ATP2C2: variants seen among roughly 807,000 people sequenced by gnomAD.
The protein encoded by ATP2C2 is ATPase secretory pathway Ca2+ transporting 2.
A neutral mutation model predicts 110.8 loss-of-function variants in ATP2C2; 171 were observed. The ratio of observed to expected loss-of-function variants is 1.54; its 90% confidence interval spans 1.36 to 1.75. ATP2C2 has a LOEUF of 1.75. Among genes scored for constraint, ATP2C2 ranks in the 40% most tolerant of loss-of-function variants. The pLI, the probability that ATP2C2 is intolerant of heterozygous loss-of-function variation, is 0.00. For missense variants in ATP2C2, 1,963 were observed against 1,235.0 expected (o/e 1.59, Z -8.84); for synonymous variants, 804 against 508.4 (o/e 1.58, Z -7.82).
chr16:84,377,927 A>C (rs1910343276), intron 1 of ATP2C2, among the ~76,000 whole-genome samples: 1 of 152,146 alleles, frequency 6.6e-6, no homozygotes, highest in African/African-American at 2.4e-5. Context: ...ATGGTGCCCC[A>C]CTAGCTGGGC....
In ATP2C2 at chr16:84,453,129, C is replaced by A. The variant is rs1237048223; in HGVS notation, c.1832-9C>A. On this transcript the variant is annotated splice_polypyrimidine_tract_variant and intron_variant, in intron 18 of 26. Coordinates refer to ENST00000262429, the MANE Select transcript of ATP2C2 (RefSeq NM_014861.4). ...TCAGAGCAGGCCCTCAGAACAGGTT[C>A]TTCTGAAGGAAGAAACATCGGCCTG... is the stretch of plus-strand genomic sequence containing the variant. 3 of 1,602,554 alleles carry A rather than the reference C, an allele frequency of 1.9e-6. No homozygotes were observed. Among genetic ancestry groups the A allele is most frequent in the Non-Finnish European group, 2.6e-6 (3 of 1,174,314 alleles).
At chr16:84,373,331 C>G (rs1325242044) in intron 1 of ATP2C2, among the ~76,000 whole-genome samples, 1 of 152,124 alleles carries the variant, frequency 6.6e-6, no homozygotes, top group East Asian at 1.9e-4. Flanking sequence ...AAAACCCCAT[C>G]TCTACTAAAA....
At chr16:84,459,234 G>A in intron 22 of ATP2C2, 36 bp from the exon 23 acceptor site, 3 of 1,614,088 alleles carry the variant, frequency 1.9e-6, no homozygotes, top group Non-Finnish European at 2.5e-6. Context: ...ACCACGCCTG[G>A]CGGGCGGCCG....
intron 1 of ATP2C2, among the ~76,000 whole-genome samples, chr16:84,380,995 G>A (rs985781713): frequency 9.9e-5 from 15 of 152,188 alleles, no homozygotes; most frequent in East Asian, 1.9e-4. Flanking sequence ...CCCGGCCAAC[G>A]TAGTGAATTT....
intron 17 of ATP2C2, 124 bp from the exon 18 acceptor site, chr16:84,451,797 C>G (rs1474307176): frequency 1.0e-6 from 1 of 965,128 alleles, no homozygotes; most frequent in African/African-American, 1.6e-5. Flanking sequence ...AACATTACAC[C>G]ACTGCACTCC....
At chr16:84,411,603 G>A (rs1394141859) in intron 6 of ATP2C2, among the ~76,000 whole-genome samples, 3 of 152,092 alleles carry the variant, frequency 2.0e-5, no homozygotes, top group Non-Finnish European at 4.4e-5. Context: ...CACTACACCT[G>A]GCTAATTTTT....
At chr16:84,424,464 G>C (rs1056060498) in intron 10 of ATP2C2, among the ~76,000 whole-genome samples, 1 of 152,012 alleles carries the variant, frequency 6.6e-6, no homozygotes, top group Non-Finnish European at 1.5e-5. Flanking sequence ...TTTTGGTAGA[G>C]ACAGGGTTTT....
intron 2 of ATP2C2, 24 bp from the exon 3 acceptor site, chr16:84,405,104 C>G (rs1254212328): frequency 5.6e-6 from 9 of 1,600,436 alleles, no homozygotes; most frequent in Non-Finnish European, 7.7e-6. Flanking sequence ...CATGAGTGAG[C>G]TTGTGCCTGA....
chr16:84,444,397 C>A (rs569633073), intron 15 of ATP2C2, among the ~76,000 whole-genome samples: 1 of 151,880 alleles, frequency 6.6e-6, no homozygotes, highest in Non-Finnish European at 1.5e-5. Flanking sequence ...TGCTTGAACC[C>A]AGGAGGCGGA....
chr16:84,372,048 A>G (rs919909836), intron 1 of ATP2C2, among the ~76,000 whole-genome samples: 2 of 152,274 alleles, frequency 1.3e-5, no homozygotes, highest in African/African-American at 4.8e-5. Context: ...AAGGGCAGGG[A>G]TTGACAGCGA....
In ATP2C2 at chr16:84,454,880, C is replaced by T. The variant is rs374595905; in HGVS notation, c.2043C>T (p.Ala681=). 149 of 1,613,838 alleles carry T rather than the reference C, an allele frequency of 9.2e-5. 1 individual carries two copies. In the African/African-American group the frequency reaches 1.4e-3, roughly 15 times the overall value. ...MTGDGVNDAV[A]LKSADIGIAM... is the part of the protein sequence containing the mutation. ...GGGATGGGGTGAACGACGCAGTGGCCCTGAAGTCTGCAGACATTGGGATCG... is the reference window on the plus strand; with the variant it reads ...GGGATGGGGTGAACGACGCAGTGGCTCTGAAGTCTGCAGACATTGGGATCG... The change falls in exon 21 of 27, where the codon GCC becomes GCT. Residue 681 remains alanine, a synonymous_variant. Transcript: ENST00000262429.
At chr16:84,455,304 C>G (rs1026041615) in intron 21 of ATP2C2, among the ~76,000 whole-genome samples, 4 of 152,132 alleles carry the variant, frequency 2.6e-5, no homozygotes, top group African/African-American at 4.8e-5. Context: ...CTGGCTCAGG[C>G]TGGTGGGCAG....
At chr16:84,372,122 C>T (rs866761185) in intron 1 of ATP2C2, among the ~76,000 whole-genome samples, 9 of 152,070 alleles carry the variant, frequency 5.9e-5, no homozygotes, top group African/African-American at 9.7e-5. Context: ...GAGGGTCGTA[C>T]GGAGCCTTGT....
chr16:84,418,577 T>C (rs907646845), intron 7 of ATP2C2, among the ~76,000 whole-genome samples: 1 of 152,248 alleles, frequency 6.6e-6, no homozygotes, highest in Non-Finnish European at 1.5e-5. Context: ...AGCACTGTTA[T>C]TTTTCCTCTG....
At chr16:84,455,076 G>GGC in intron 21 of ATP2C2, 92 bp downstream of exon 21, 10 of 1,502,104 alleles carry the variant, frequency 6.7e-6, no homozygotes, top group South Asian at 3.5e-5. Context: ...ATAGAGGGGG[G>GGC]GGTCTCGCGG....
chr16:84,414,720 A>G (rs1906679949), intron 6 of ATP2C2, among the ~76,000 whole-genome samples: 1 of 152,186 alleles, frequency 6.6e-6, no homozygotes, highest in African/African-American at 2.4e-5. Flanking sequence ...TGAGGTCTGC[A>G]AAGCCCCTGA....
chr16:84,415,617 T>A (rs369498768), intron 7 of ATP2C2, 26 bp downstream of exon 7: 59 of 1,574,570 alleles, frequency 3.7e-5, no homozygotes, highest in Non-Finnish European at 5.0e-5. Context: ...CCCTTGTCAA[T>A]GGGGTATTTG....
At chr16:84,434,612 G>C (rs1908580713) in intron 11 of ATP2C2, among the ~76,000 whole-genome samples, 1 of 151,442 alleles carries the variant, frequency 6.6e-6, no homozygotes, top group Admixed American at 6.6e-5. Flanking sequence ...CCGCCTCCTG[G>C]GTTCAAGTGA....
intron 11 of ATP2C2, among the ~76,000 whole-genome samples, chr16:84,430,802 A>G (rs910852557): frequency 6.6e-6 from 1 of 152,040 alleles, no homozygotes; most frequent in Admixed American, 6.6e-5. Context: ...ACAGATTGGG[A>G]AACAGGCTTA....
Sources: allele counts gnomAD v4.1 joint callset (sites outside exome capture counted in the v4.1 genomes callset), GRCh38; gene constraint gnomAD v4.1.1; transcripts MANE v1.5; gene names NCBI Gene and HGNC (gene_info 2026-07-23, HGNC 2026-07-21).